PCDHGC5: variants seen among roughly 807,000 people sequenced by gnomAD.
PCDHGC5 encodes the protein protocadherin gamma-C5.
Under a neutral mutation model 59.0 loss-of-function variants are expected in PCDHGC5, and 25 were observed. That is an observed-to-expected ratio of 0.42 (90% CI 0.31 to 0.59). The LOEUF (loss-of-function observed/expected upper bound fraction) is 0.59, where lower values mean the gene tolerates loss of function less well. Among genes scored for constraint, PCDHGC5 ranks in the 20% least tolerant of loss-of-function variants. PCDHGC5 has a pLI of 0.13. For synonymous variants in PCDHGC5, 434 were observed against 505.5 expected (o/e 0.86, Z 1.90); for missense variants, 1,067 against 1,206.4 (o/e 0.88, Z 1.71).
intron 3 of PCDHGC5, 69 bp from the exon 4 acceptor site, chr5:141,510,878 G>A (rs896348248): frequency 6.2e-7 from 1 of 1,610,438 alleles, no homozygotes; most frequent in African/African-American, 1.3e-5. Context: ...TTAACTGCTG[G>A]GGATATAAGA....
Position 141,490,575 on chromosome 5 carries a change from A to G in PCDHGC5, c.1335A>G (p.Ser445=). 2 of 1,614,140 alleles carry G rather than the reference A, an allele frequency of 1.2e-6. No individual in the cohort carries two copies. The highest frequency in any genetic ancestry group is 2.2e-5 in the East Asian group (1 of 44,876). ...HKHLTIRLNI[S]DVNDNAPRFN... is the part of the protein sequence containing the mutation. Reference sequence around the variant, plus strand: ...ATCTCACCATCAGGCTCAACATTTCAGATGTCAATGACAATGCACCCCGCT... The same window carrying G: ...ATCTCACCATCAGGCTCAACATTTCGGATGTCAATGACAATGCACCCCGCT... The change falls in exon 1 of 4, where the codon TCA becomes TCG. Residue 445 remains serine (S), a synonymous_variant. Transcript: ENST00000252087. This position sits in a 1 kb window ranked among gnomAD's most constrained non-coding sequence, Gnocchi z 5.4.
rs180741728 is a variant in PCDHGC5 at position 141,505,088 on chromosome 5, G to A, written c.2520-305G>A. Among the ~76,000 whole-genome samples the A allele has an allele frequency of 3.7e-3, 563 of 152,300 alleles. 5 individuals carry two copies. Among genetic ancestry groups the A allele is most frequent in the Admixed American group, 0.011 (163 of 15,294 alleles). On this transcript the variant is annotated intron_variant, in intron 2 of 3. Coordinates refer to ENST00000252087, the MANE Select transcript of PCDHGC5 (RefSeq NM_018929.3). ...GAGGCAGGAGAATCGCTTGAACCCA[G>A]GAGGTGGATGTTGCAATGAGCCAAG...
chr5:141,505,341 A>T, intron 2 of PCDHGC5, 52 bp from the exon 3 acceptor site: 1 of 1,612,728 alleles, frequency 6.2e-7, no homozygotes, highest in Non-Finnish European at 8.5e-7. Flanking sequence ...CAGGAGGGGC[A>T]TGAGCTGTGC....
At position 141,490,561 on chromosome 5, in the gene PCDHGC5, A is replaced by C. The variant is rs2099701634; in HGVS notation, c.1321A>C (p.Arg441=). The part of the protein sequence containing the change: ...SPSLHKHLTI[R]LNISDVNDNA... The stretch of plus-strand genomic sequence containing the variant: ...TTCCCTACACAAACATCTCACCATC[A>C]GGCTCAACATTTCAGATGTCAATGA... Residue 441 remains arginine (R), a synonymous_variant, in exon 1 of 4, where the codon AGG becomes CGG. Transcript: ENST00000252087. The surrounding 1 kb of genome is among the most constrained non-coding windows in gnomAD (Gnocchi z 5.4). The C allele has an allele frequency of 1.2e-6, 2 of 1,614,090 alleles. No homozygotes were observed. The highest frequency in any genetic ancestry group is 1.7e-4 in the Middle Eastern group (1 of 6,060).
At chr5:141,497,465 G>A (rs189158903) in intron 2 of PCDHGC5, among the ~76,000 whole-genome samples, 1 of 152,024 alleles carries the variant, frequency 6.6e-6, no homozygotes, top group East Asian at 1.9e-4. Flanking sequence ...TTGGAGATAT[G>A]GAGGAGAAGG....
chr5:141,496,589 G>A (rs914585858), intron 2 of PCDHGC5, among the ~76,000 whole-genome samples: 7 of 152,124 alleles, frequency 4.6e-5, no homozygotes, highest in Admixed American at 6.5e-5. Flanking sequence ...AACGCAAAGC[G>A]CTTCTTAGAA....
In PCDHGC5 at chr5:141,491,443, G is replaced by C. The variant is rs955584868; in HGVS notation, c.2203G>C (p.Asp735His). The change falls in exon 1 of 4, where the codon GAC (aspartate) becomes CAC (histidine). Residue 735 changes from aspartate (D) to histidine (H), a missense_variant. Transcript: ENST00000252087. This position sits in a 1 kb window ranked among gnomAD's most constrained non-coding sequence, Gnocchi z 6.9. Reference protein sequence around the residue: ...GGGGQCCRRQDSPSPDFYKQS... With the variant: ...GGGGQCCRRQHSPSPDFYKQS... ...TGGAGGGCAGTGCTGCAGGCGCCAG[G>C]ACTCACCCTCCCCGGACTTCTATAA... 1 of 1,613,998 alleles carries C rather than the reference G, an allele frequency of 6.2e-7. No homozygotes were observed. Among genetic ancestry groups the C allele is most frequent in the Admixed American group, 1.7e-5 (1 of 60,000 alleles).
rs1424346887 is a variant in PCDHGC5, at chr5:141,489,602, T to C, written c.362T>C (p.Val121Ala). ...EHPLELIRVE[V>A]EILDLNDNSP... is the part of the protein sequence containing the mutation. ...CCCCTGGAGCTAATCCGTGTAGAGG[T>C]AGAGATCCTGGATCTCAATGACAAC... The change falls in exon 1 of 4, where the codon GTA becomes GCA. Residue 121 changes from valine to alanine, a missense_variant. By Grantham distance (64) the Val-to-Ala change is moderately conservative. Coordinates refer to ENST00000252087, the MANE Select transcript of PCDHGC5 (RefSeq NM_018929.3). The surrounding 1 kb of genome is among the most constrained non-coding windows in gnomAD (Gnocchi z 4.5). The C allele has an allele frequency of 5.6e-6, 9 of 1,613,754 alleles. No homozygotes were observed. In the African/African-American group the frequency reaches 6.7e-5, roughly 12 times the overall value.
At chr5:141,510,334 C>G (rs1463634534) in intron 3 of PCDHGC5, among the ~76,000 whole-genome samples, 1 of 151,448 alleles carries the variant, frequency 6.6e-6, no homozygotes, top group African/African-American at 2.4e-5. Context: ...TCTTCACCCC[C>G]ACCCCACACA....
rs1379875429 is a variant in PCDHGC5 at position 141,491,125 on chromosome 5, C to T, written c.1885C>T (p.Arg629Cys). 3.1e-6 allele frequency: 5 copies of T among 1,614,020 alleles called. No homozygotes were observed. The highest frequency in any genetic ancestry group is 4.2e-6 in the Non-Finnish European group (5 of 1,179,992). ...CGTGTCTACACACACTGGTGAGGTG[C>T]GCACAGCCCGGGCCTTACTGGAGGA... Reference protein sequence around the residue: ...FLVSTHTGEVRTARALLEDDS... With the variant: ...FLVSTHTGEVCTARALLEDDS... The change falls in exon 1 of 4, where the codon CGC becomes TGC. Residue 629 changes from arginine to cysteine, a missense_variant. Coordinates refer to ENST00000252087, the MANE Select transcript of PCDHGC5 (RefSeq NM_018929.3). The surrounding 1 kb of genome is among the most constrained non-coding windows in gnomAD (Gnocchi z 6.9).
chr5:141,506,584 G>A (rs1413313164), intron 3 of PCDHGC5, among the ~76,000 whole-genome samples: 1 of 152,098 alleles, frequency 6.6e-6, no homozygotes, highest in African/African-American at 2.4e-5. Context: ...ACTATTAATG[G>A]GCACAGTATT....
At chr5:141,500,360 T>C (rs1224064939) in intron 2 of PCDHGC5, among the ~76,000 whole-genome samples, 1 of 151,664 alleles carries the variant, frequency 6.6e-6, no homozygotes, top group Non-Finnish European at 1.5e-5. Context: ...AGGCGCCCAC[T>C]ACCACGCCCG....
intron 2 of PCDHGC5, among the ~76,000 whole-genome samples, chr5:141,500,148 G>A (rs936567158): frequency 6.6e-6 from 1 of 150,990 alleles, no homozygotes; most frequent in Non-Finnish European, 1.5e-5. Flanking sequence ...ACTTTTCTTT[G>A]TGTAATCAAA....
chr5:141,509,577 C>G (rs569743928), intron 3 of PCDHGC5, among the ~76,000 whole-genome samples: 2 of 152,320 alleles, frequency 1.3e-5, no homozygotes, highest in African/African-American at 2.4e-5. Context: ...ACAGTGCGTA[C>G]AAATCAGCTG....
chr5:141,494,745 G>C, intron 1 of PCDHGC5, 62 bp from the exon 2 acceptor site: 1 of 1,612,802 alleles, frequency 6.2e-7, no homozygotes, highest in Middle Eastern at 1.7e-4. Flanking sequence ...ATCCCTAGGG[G>C]CTCGGGTGAC....
At chr5:141,497,499 C>G (rs1217418941) in intron 2 of PCDHGC5, among the ~76,000 whole-genome samples, 3 of 151,416 alleles carry the variant, frequency 2.0e-5, no homozygotes, top group Non-Finnish European at 4.4e-5. Context: ...TCTCTCTCCT[C>G]TCTCTGCTTC....
Position 141,489,595 on chromosome 5 carries a change from G to A in PCDHGC5, c.355G>A (p.Val119Ile). The A allele has an allele frequency of 1.2e-6, 2 of 1,614,132 alleles. No individual in the cohort carries two copies. Among genetic ancestry groups the A allele is most frequent in the Non-Finnish European group, 1.7e-6 (2 of 1,180,004 alleles). Residue 119 changes from valine to isoleucine, a missense_variant, in exon 1 of 4, where the codon GTA becomes ATA. By Grantham distance (29) the Val-to-Ile change is conservative (BLOSUM62 3). Coordinates refer to ENST00000252087, the MANE Select transcript of PCDHGC5 (RefSeq NM_018929.3). The surrounding 1 kb of genome is among the most constrained non-coding windows in gnomAD (Gnocchi z 4.5). Reference sequence around the variant, plus strand: ...TGAACACCCCCTGGAGCTAATCCGTGTAGAGGTAGAGATCCTGGATCTCAA... The same window carrying A: ...TGAACACCCCCTGGAGCTAATCCGTATAGAGGTAGAGATCCTGGATCTCAA... Reference protein sequence around the residue: ...VTEHPLELIRVEVEILDLNDN... With the variant: ...VTEHPLELIRIEVEILDLNDN...
In PCDHGC5 at chr5:141,491,927, G is replaced by A. The variant is rs1314503730; in HGVS notation, c.2460+227G>A. 3 of 1,309,982 alleles carry A rather than the reference G, an allele frequency of 2.3e-6. No individual in the cohort carries two copies. In the African/African-American group the frequency reaches 4.5e-5, roughly 20 times the overall value. 81.1% of individuals were successfully genotyped at this position (1,309,982 alleles called of 1,614,324 possible). A position where few individuals can be genotyped will look rare whatever the true frequency, so the allele number is the denominator to read the frequency against. On this transcript the variant is annotated intron_variant, in intron 1 of 3. Coordinates refer to ENST00000252087, the MANE Select transcript of PCDHGC5 (RefSeq NM_018929.3). The surrounding 1 kb of genome is among the most constrained non-coding windows in gnomAD (Gnocchi z 6.9). ...GTGGTGGCGACTGTGGGCGAGGGGAGGTGGGACCGACCCCCACCCCTACAC... is the reference window on the plus strand; with the variant it reads ...GTGGTGGCGACTGTGGGCGAGGGGAAGTGGGACCGACCCCCACCCCTACAC...
rs776349562 is a variant in PCDHGC5 at position 141,491,131 on chromosome 5, G to T, written c.1891G>T (p.Ala631Ser). The T allele has an allele frequency of 6.2e-7, 1 of 1,614,182 alleles. No individual in the cohort carries two copies. Among genetic ancestry groups the T allele is most frequent in the Non-Finnish European group, 8.5e-7 (1 of 1,180,008 alleles). Residue 631 changes from alanine (A) to serine (S), a missense_variant, in exon 1 of 4, where the codon GCC (alanine) becomes TCC (serine). By Grantham distance (99) the Ala-to-Ser change is moderately conservative. Coordinates refer to ENST00000252087, the MANE Select transcript of PCDHGC5 (RefSeq NM_018929.3). This position sits in a 1 kb window ranked among gnomAD's most constrained non-coding sequence, Gnocchi z 6.9. ...TACACACACTGGTGAGGTGCGCACA[G>T]CCCGGGCCTTACTGGAGGATGACTC... ...VSTHTGEVRT[A>S]RALLEDDSDT... is the part of the protein sequence containing the mutation.
Sources: allele counts gnomAD v4.1 joint callset (sites outside exome capture counted in the v4.1 genomes callset), GRCh38; gene constraint gnomAD v4.1.1; non-coding constraint Gnocchi (gnomAD v3.1); transcripts MANE v1.5; gene names NCBI Gene and HGNC (gene_info 2026-07-23, HGNC 2026-07-21).